The following DMD variants were observed in gnomAD, a reference collection of about 807,000 sequenced individuals.
The protein encoded by DMD is mutant dystrophin.
Under a neutral mutation model 330.1 loss-of-function variants are expected in DMD, and 63 were observed. That is an observed-to-expected ratio of 0.19 (90% CI 0.16 to 0.24). The LOEUF is 0.24. Ranked by LOEUF, DMD falls within the 10% of genes least tolerant of loss-of-function variation. The pLI, the probability that DMD is intolerant of heterozygous loss-of-function variation, is 1.00. For missense variants in DMD, 3,344 were observed against 2,684.1 expected (o/e 1.25, Z -5.43); for synonymous variants, 1,223 against 959.8 (o/e 1.27, Z -5.07).
At chrX:31,737,725 T>C (rs2086980155) in intron 51 of DMD, among the ~76,000 whole-genome samples, 2 of 111,497 alleles carry the variant, frequency 1.8e-5, no homozygotes, top group Non-Finnish European at 3.8e-5. Flanking sequence ...AAAATAATAA[T>C]AATGGCAACA....
intron 51 of DMD, among the ~76,000 whole-genome samples, chrX:31,763,604 G>A (rs181635901): frequency 1.1e-3 from 124 of 111,590 alleles, no homozygotes; most frequent in African/African-American, 3.9e-3. Flanking sequence ...AAACAAAAAC[G>A]ACCAGTACAT....
intron 52 of DMD, among the ~76,000 whole-genome samples, chrX:31,687,640 A>G (rs1052089372): frequency 8.9e-6 from 1 of 111,983 alleles, no homozygotes; most frequent in African/African-American, 3.2e-5. Context: ...CTTAGCCACA[A>G]TAGAATAGAA....
chrX:32,421,115 T>C (rs1430887925), intron 29 of DMD, among the ~76,000 whole-genome samples: 1 of 112,143 alleles, frequency 8.9e-6, no homozygotes, highest in Admixed American at 9.5e-5. Context: ...TACATGAAGA[T>C]TAACAATATT....
intron 48 of DMD, among the ~76,000 whole-genome samples, chrX:31,855,606 G>C (rs1002981135): frequency 9.0e-6 from 1 of 111,472 alleles, no homozygotes; most frequent in Non-Finnish European, 1.9e-5. Context: ...AAGATGTTTT[G>C]TTTTTACTAT....
intron 37 of DMD, among the ~76,000 whole-genome samples, chrX:32,359,993 A>T (rs971011788): frequency 1.8e-5 from 2 of 111,191 alleles, no homozygotes; most frequent in East Asian, 5.6e-4. Context: ...CAAACAATGA[A>T]ATGGATATGC....
intron 3 of DMD, among the ~76,000 whole-genome samples, chrX:32,849,101 A>G (rs2080922727): frequency 8.9e-6 from 1 of 111,732 alleles, no homozygotes; most frequent in South Asian, 3.8e-4. Flanking sequence ...ATGACTATAG[A>G]CTGGGGGCTT....
chrX:32,997,523 C>T (rs113326020), intron 2 of DMD, among the ~76,000 whole-genome samples: 4,271 of 111,797 alleles, frequency 0.038, 129 homozygotes, highest in East Asian at 0.2. Context: ...GGGTTATAGG[C>T]GTGAGCCACC....
At chrX:32,017,697 TACA>T (rs1170177373) in intron 44 of DMD, among the ~76,000 whole-genome samples, 1 of 111,444 alleles carries the variant, frequency 9.0e-6, no homozygotes, top group Non-Finnish European at 1.9e-5. Flanking sequence ...GAAGCAAGAG[TACA>T]ACAACTTCCT....
At chrX:31,890,235 A>G (rs1569500043) in intron 47 of DMD, among the ~76,000 whole-genome samples, 2 of 109,176 alleles carry the variant, frequency 1.8e-5, no homozygotes, top group Non-Finnish European at 1.9e-5. Flanking sequence ...TTAGCTGGGG[A>G]TGGTGGTGCC....
chrX:31,345,142 C>T (rs978836073), intron 61 of DMD, among the ~76,000 whole-genome samples: 1 of 112,126 alleles, frequency 8.9e-6, no homozygotes, highest in African/African-American at 3.2e-5. Context: ...AGCTTTTAAG[C>T]GTATATTGAT....
intron 52 of DMD, among the ~76,000 whole-genome samples, chrX:31,698,147 G>T (rs1223818575): frequency 8.0e-5 from 9 of 111,901 alleles, no homozygotes; most frequent in Non-Finnish European, 1.7e-4. Context: ...CACAGAGTAC[G>T]CCAGAGTTCC....
At chrX:31,991,628 G>A (rs996339950) in intron 44 of DMD, among the ~76,000 whole-genome samples, 1 of 110,253 alleles carries the variant, frequency 9.1e-6, no homozygotes, top group African/African-American at 3.3e-5. Context: ...GATAGCCAAA[G>A]CCAGAAGATG....
At chrX:32,496,581 T>A (rs746112743) in intron 19 of DMD, among the ~76,000 whole-genome samples, 1 of 112,488 alleles carries the variant, frequency 8.9e-6, no homozygotes, top group Non-Finnish European at 1.9e-5. Context: ...TTTTTACTCA[T>A]ATTTGTTTTG....
At chrX:31,907,889 C>A (rs993673597) in intron 47 of DMD, among the ~76,000 whole-genome samples, 1 of 112,478 alleles carries the variant, frequency 8.9e-6, no homozygotes, top group Middle Eastern at 4.2e-3. Context: ...CCAACCTCAT[C>A]GAAAAGTCGG....
At chrX:31,329,768 C>T (rs1328339216) in intron 61 of DMD, among the ~76,000 whole-genome samples, 2 of 109,151 alleles carry the variant, frequency 1.8e-5, no homozygotes, top group African/African-American at 6.7e-5. Context: ...GTCAAGAGAT[C>T]GAGACCATCC....
chrX:33,170,972 T>C (rs933810044), intron 1 of DMD, among the ~76,000 whole-genome samples: 1 of 111,889 alleles, frequency 8.9e-6, no homozygotes, highest in Non-Finnish European at 1.9e-5. Flanking sequence ...GTCAAAAATA[T>C]GTTGGGCATA....
At chrX:31,982,098 A>G (rs1273140046) in intron 44 of DMD, among the ~76,000 whole-genome samples, 1 of 112,401 alleles carries the variant, frequency 8.9e-6, no homozygotes, top group African/African-American at 3.2e-5. Flanking sequence ...TACACCAGAC[A>G]TGTGTGCCTG....
intron 2 of DMD, among the ~76,000 whole-genome samples, chrX:32,898,697 G>C (rs2085950378): frequency 9.0e-6 from 1 of 111,540 alleles, no homozygotes; most frequent in Non-Finnish European, 1.9e-5. Context: ...GTGCTGGTGG[G>C]AGTGGCTTCT....
At position 32,530,344 on chromosome X, in the gene DMD, A is replaced by C. The variant is rs780723267; in HGVS notation, c.2169-12213T>G. On this transcript the variant is annotated intron_variant, in intron 17 of 78. Transcript: ENST00000357033. ...ACCCATAGAATCGTTGATTGCAGTG[A>C]AGAGAATAAAACTGCTGTAAAATAT... 3.6e-5 allele frequency among the ~76,000 whole-genome samples: 4 copies of C among 112,324 alleles called. No individual in the cohort carries two copies. In the East Asian group the frequency reaches 1.1e-3, roughly 31 times the overall value.
Sources: gnomAD v4.1 joint callset for allele counts (sites outside exome capture counted in the v4.1 genomes callset) on GRCh38, gnomAD v4.1.1 for gene constraint, MANE v1.5 for transcripts, NCBI Gene and HGNC (gene_info 2026-07-23, HGNC 2026-07-21) for gene names.